DCTN4: variants seen among roughly 807,000 people sequenced by gnomAD.
The protein encoded by DCTN4 is dynactin subunit 4, also known as dynactin 4 (p62).
DCTN4 carries 23 observed loss-of-function variants against 62.7 expected under a neutral mutation model. That is an observed-to-expected ratio of 0.37 (90% confidence interval 0.26 to 0.52). DCTN4 has a LOEUF of 0.52. Among genes scored for constraint, DCTN4 ranks in the 20% least tolerant of loss-of-function variants. DCTN4 has a pLI of 0.92. For synonymous variants in DCTN4, 199 were observed against 202.1 expected (o/e 0.98, Z 0.13); for missense variants, 514 against 580.4 (o/e 0.89, Z 1.18).
At chr5:150,713,349 AAAC>A (rs1315408893) in intron 12 of DCTN4, among the ~76,000 whole-genome samples, 2 of 152,172 alleles carry the variant, frequency 1.3e-5, no homozygotes, top group Admixed American at 1.3e-4. Context: ...CAACAAAACA[AAAC>A]AACACTTGAC....
rs1227116475 is a variant in DCTN4 at position 150,735,945 on chromosome 5, C to CAAAAA, written c.430-2475_430-2471dup. On this transcript the variant is annotated intron_variant, in intron 4 of 12. Transcript: ENST00000447998. ...AAAAAAAAAAAATACAGGTTATGGACAAAAAAAATCTCCAGAGAAAGACAG... is the reference window on the plus strand; with the variant it reads ...AAAAAAAAAAAATACAGGTTATGGACAAAAAAAAAAAAATCTCCAGAGAAAGACAG... Among the ~76,000 whole-genome samples the CAAAAA allele has an allele frequency of 7.8e-5, 11 of 141,282 alleles. 1 individual carries two copies. Among genetic ancestry groups the CAAAAA allele is most frequent in the Admixed American group, 7.0e-4 (10 of 14,328 alleles). 92.7% of individuals were successfully genotyped at this position (141,282 alleles called of 152,430 possible).
At position 150,708,470 on chromosome 5, in the gene DCTN4, G is replaced by A. The variant is rs973412641; in HGVS notation, c.*2679C>T. 1.3e-5 allele frequency: 2 copies of A among 152,196 alleles called. No homozygotes were observed. Among genetic ancestry groups the A allele is most frequent in the Non-Finnish European group, 2.9e-5 (2 of 68,036 alleles). 9.4% of individuals were successfully genotyped at this position (152,196 alleles called of 1,614,324 possible). On this transcript the variant is annotated 3_prime_UTR_variant, in exon 13 of 13. Transcript: ENST00000447998. ...TCAGACCACTGTGTATATTGTAAAG[G>A]ATATCTTTAGAAGCAATGACCCAGG... is the stretch of plus-strand genomic sequence containing the variant.
intron 6 of DCTN4, 89 bp downstream of exon 6, chr5:150,731,327 G>C (rs928562396): frequency 1.3e-5 from 11 of 836,002 alleles, no homozygotes; most frequent in South Asian, 1.1e-4. Context: ...ATTGACAACT[G>C]TGTGTGTGTG....
At chr5:150,756,277 G>A in intron 2 of DCTN4, 140 bp downstream of exon 2, 3 of 496,044 alleles carry the variant, frequency 6.0e-6, no homozygotes, top group Admixed American at 4.0e-5. Flanking sequence ...TCTTGACCTC[G>A]TGATCCCTGC....
chr5:150,755,743 GAA>G (rs1037662872), intron 2 of DCTN4, among the ~76,000 whole-genome samples: 25 of 152,090 alleles, frequency 1.6e-4, no homozygotes, highest in African/African-American at 6.0e-4. Flanking sequence ...GTGATATCCT[GAA>G]AAGAATCCTG....
rs191026765 is a variant in DCTN4, at chr5:150,731,466, C to T, written c.561G>A (p.Arg187=). Residue 187 remains arginine (R), a synonymous_variant, in exon 6 of 13, where the codon AGG becomes AGA. Transcript: ENST00000447998. ...ATGCACCAGCTCGTGGTCGCTGAAG[C>T]CTGGTTCCAAGACCATATTTGTCCT... ...AFSDKYGLGT[R]LQRPRAGASI... The T allele has an allele frequency of 8.1e-6, 13 of 1,613,732 alleles. No homozygotes were observed. The African/African-American group carries it at 1.6e-4, about 20-fold the overall frequency.
At chr5:150,740,139 T>C (rs527284691) in intron 4 of DCTN4, among the ~76,000 whole-genome samples, 3 of 152,144 alleles carry the variant, frequency 2.0e-5, no homozygotes, top group South Asian at 4.1e-4. Context: ...AGACAGCCCA[T>C]AGAGTGGGAG....
At chr5:150,747,560 C>G (rs955086503) in intron 3 of DCTN4, among the ~76,000 whole-genome samples, 1 of 152,158 alleles carries the variant, frequency 6.6e-6, no homozygotes, top group African/African-American at 2.4e-5. Flanking sequence ...CTACAGTAAC[C>G]AAAACAGCAT....
intron 3 of DCTN4, 61 bp downstream of exon 3, chr5:150,753,418 T>C (rs1752748002): frequency 6.8e-7 from 1 of 1,471,444 alleles, no homozygotes; most frequent in Non-Finnish European, 9.4e-7. Flanking sequence ...AATAATAATC[T>C]ATGGGCAATT....
chr5:150,724,956 G>A (rs1283718161), intron 8 of DCTN4, among the ~76,000 whole-genome samples: 2 of 152,032 alleles, frequency 1.3e-5, no homozygotes, highest in African/African-American at 4.8e-5. Flanking sequence ...AGGAGATTGA[G>A]ACCATCCTGG....
intron 12 of DCTN4, among the ~76,000 whole-genome samples, chr5:150,714,144 C>T (rs1561686854): frequency 6.6e-6 from 1 of 152,086 alleles, no homozygotes; most frequent in Non-Finnish European, 1.5e-5. Context: ...TGAATGTTCC[C>T]TGTGCCAGTT....
At chr5:150,734,275 A>T (rs1760493427) in intron 4 of DCTN4, 1 of 152,232 alleles carries the variant, frequency 6.6e-6, no homozygotes, top group Non-Finnish European at 1.5e-5. Flanking sequence ...GCTGCTGCAA[A>T]ATCCATGAGA....
chr5:150,715,327 G>T (rs1351625859), intron 12 of DCTN4, among the ~76,000 whole-genome samples: 1 of 152,140 alleles, frequency 6.6e-6, no homozygotes, highest in African/African-American at 2.4e-5. Flanking sequence ...TCCCAATGAG[G>T]TGAGAAATAT....
chr5:150,747,236 C>T (rs1054422577), intron 3 of DCTN4, among the ~76,000 whole-genome samples: 1,540 of 152,118 alleles, frequency 0.01, 25 homozygotes, highest in African/African-American at 0.033. Flanking sequence ...TTACAAGGGA[C>T]GTGAAGGACC....
chr5:150,758,408 G>A, intron 1 of DCTN4: 2 of 990,808 alleles, frequency 2.0e-6, no homozygotes, highest in Non-Finnish European at 2.4e-6. Context: ...AAGGCAGTCT[G>A]ACGAGGGCCC....
At chr5:150,718,773 C>A (rs2151471918) in intron 10 of DCTN4, among the ~76,000 whole-genome samples, 1 of 152,114 alleles carries the variant, frequency 6.6e-6, no homozygotes, top group South Asian at 2.1e-4. Context: ...ATGAACAGAG[C>A]AAAAATGGCA....
At chr5:150,713,700 TC>T (rs1759654796) in intron 12 of DCTN4, among the ~76,000 whole-genome samples, 1 of 151,842 alleles carries the variant, frequency 6.6e-6, no homozygotes, top group African/African-American at 2.4e-5. Context: ...TGCCTCAGCC[TC>T]CCAAAGTGCT....
chr5:150,711,946 T>C (rs1157959800), intron 12 of DCTN4, among the ~76,000 whole-genome samples: 3 of 152,192 alleles, frequency 2.0e-5, no homozygotes, highest in African/African-American at 7.2e-5. Flanking sequence ...TATATACAGA[T>C]CATCTACAAT....
In DCTN4 at chr5:150,722,899, A is replaced by T; in HGVS notation, c.908+8T>A. The T allele has an allele frequency of 6.2e-7, 1 of 1,609,396 alleles. No individual in the cohort carries two copies. The highest frequency in any genetic ancestry group is 1.3e-5 in the African/African-American group (1 of 74,902). ...AGTAACTGAAAACACCAATCCCAAA[A>T]TACTTACACAGCGACCAGCTGGATT... On this transcript the variant is annotated splice_region_variant and intron_variant, in intron 9 of 12. Coordinates refer to ENST00000447998, the MANE Select transcript of DCTN4 (RefSeq NM_016221.4).
Sources: gnomAD v4.1 joint callset for allele counts (sites outside exome capture counted in the v4.1 genomes callset) on GRCh38, gnomAD v4.1.1 for gene constraint, MANE v1.5 for transcripts, NCBI Gene and HGNC (gene_info 2026-07-23, HGNC 2026-07-21) for gene names.